Variants in SHISA6 observed in about 807,000 individuals in gnomAD.
SHISA6 encodes shisa family member 6, also known as protein shisa-6.
A neutral mutation model predicts 47.9 loss-of-function variants in SHISA6; 22 were observed. The ratio of observed to expected loss-of-function variants is 0.46; its 90% CI spans 0.33 to 0.66. SHISA6 has a LOEUF of 0.66. Ranked by LOEUF, SHISA6 falls within the 30% of genes least tolerant of loss-of-function variation. SHISA6 has a pLI of 0.02. For synonymous variants in SHISA6, 388 were observed against 337.8 expected (o/e 1.15, Z -1.63); for missense variants, 680 against 764.6 (o/e 0.89, Z 1.30).
intron 1 of SHISA6, among the ~76,000 whole-genome samples, chr17:11,245,349 G>C (rs567042503): frequency 5.6e-4 from 86 of 152,274 alleles, no homozygotes; most frequent in African/African-American, 2.0e-3. Context: ...CAAACTGCCC[G>C]GGCTAAGGCT....
chr17:11,429,782 A>G (rs1412125365), intron 3 of SHISA6, among the ~76,000 whole-genome samples: 2 of 151,322 alleles, frequency 1.3e-5, no homozygotes, highest in Admixed American at 6.6e-5. Context: ...CAAGAGTGAA[A>G]CTCCGTCTCA....
At position 11,558,813 on chromosome 17, in the gene SHISA6, C is replaced by T. The variant is rs200653411; in HGVS notation, c.*509C>T. 4.1e-5 allele frequency: 7 copies of T among 169,966 alleles called. No homozygotes were observed. The South Asian group carries it at 9.4e-4, about 23-fold the overall frequency. The allele number at this position is 169,966 out of a possible 1,614,324, so 10.5% of individuals were successfully genotyped here. A position where few individuals can be genotyped will look rare whatever the true frequency, so the allele number is the denominator to read the frequency against. On this transcript the variant is annotated 3_prime_UTR_variant, in exon 6 of 6. Transcript: ENST00000441885. ...TCCTAGTGCCTAAAAACTGCCTGCTCGCTCTCTCAGAGCCAGGGAGCTGCT... is the reference window on the plus strand; with the variant it reads ...TCCTAGTGCCTAAAAACTGCCTGCTTGCTCTCTCAGAGCCAGGGAGCTGCT...
intron 3 of SHISA6, among the ~76,000 whole-genome samples, chr17:11,404,357 C>T (rs1185715357): frequency 6.6e-6 from 1 of 152,150 alleles, no homozygotes; most frequent in Non-Finnish European, 1.5e-5. Flanking sequence ...CCACTGAAGA[C>T]TGGAGTGAGG....
At position 11,242,011 on chromosome 17, in the gene SHISA6, G is replaced by A; in HGVS notation, c.589G>A (p.Val197Ile). The change falls in exon 1 of 6, where the codon GTC becomes ATC. Residue 197 changes from valine (V) to isoleucine (I), a missense_variant. Transcript: ENST00000441885. ...CATCGTGGCCGGCGTCTTCGCCAAGGTCTCCTACGACAAGGCCCACCGCCC... is the reference window on the plus strand; with the variant it reads ...CATCGTGGCCGGCGTCTTCGCCAAGATCTCCTACGACAAGGCCCACCGCCC... ...FVIVAGVFAK[V>I]SYDKAHRPPR... 6.4e-7 allele frequency: 1 copy of A among 1,551,038 alleles called. No homozygotes were observed. The highest frequency in any genetic ancestry group is 8.7e-7 in the Non-Finnish European group (1 of 1,147,008).
chr17:11,320,361 A>G (rs749542404), intron 2 of SHISA6, among the ~76,000 whole-genome samples: 1 of 151,518 alleles, frequency 6.6e-6, no homozygotes, highest in Non-Finnish European at 1.5e-5. Flanking sequence ...GGGCTGGTAT[A>G]AGAGAGAGAG....
chr17:11,535,256 A>T (rs2071777159), intron 3 of SHISA6, among the ~76,000 whole-genome samples: 1 of 152,236 alleles, frequency 6.6e-6, no homozygotes, highest in African/African-American at 2.4e-5. Context: ...ACCTGGAAGC[A>T]GTGCTATGCA....
At chr17:11,491,494 T>C (rs1019794472) in intron 3 of SHISA6, among the ~76,000 whole-genome samples, 13 of 151,890 alleles carry the variant, frequency 8.6e-5, no homozygotes, top group African/African-American at 2.9e-4. Context: ...GAGACGGGGG[T>C]CTCACTATGT....
chr17:11,271,847 A>G (rs1908680073), intron 2 of SHISA6, among the ~76,000 whole-genome samples: 1 of 151,798 alleles, frequency 6.6e-6, no homozygotes, highest in South Asian at 2.1e-4. Flanking sequence ...TGGTCCACAG[A>G]ATCTTGCTCT....
intron 1 of SHISA6, among the ~76,000 whole-genome samples, chr17:11,263,087 C>T (rs1273187880): frequency 1.3e-5 from 2 of 152,110 alleles, no homozygotes; most frequent in Admixed American, 6.5e-5. Flanking sequence ...TTTGGGGAGC[C>T]AGTATTTTGA....
intron 3 of SHISA6, among the ~76,000 whole-genome samples, chr17:11,508,543 C>T (rs2071518632): frequency 7.9e-6 from 1 of 127,310 alleles, no homozygotes; most frequent in African/African-American, 3.1e-5. Context: ...ATCAGCCCCT[C>T]CCCTCCTCTC....
intron 3 of SHISA6, among the ~76,000 whole-genome samples, chr17:11,418,166 T>C (rs1914340070): frequency 6.6e-6 from 1 of 152,170 alleles, no homozygotes; most frequent in Non-Finnish European, 1.5e-5. Context: ...TTCTTTATGC[T>C]CTGTGGGTTT....
chr17:11,314,299 T>C (rs1910433014), intron 2 of SHISA6, among the ~76,000 whole-genome samples: 1 of 152,124 alleles, frequency 6.6e-6, no homozygotes, highest in South Asian at 2.1e-4. Context: ...GTGCTGAGTA[T>C]TTTTTTGTCA....
At chr17:11,543,490 G>A (rs75395211) in intron 3 of SHISA6, among the ~76,000 whole-genome samples, 9,646 of 152,160 alleles carry the variant, frequency 0.063, 384 homozygotes, top group Middle Eastern at 0.092. Context: ...TACATGCCAC[G>A]TTTAGGGATT....
Position 11,241,647 on chromosome 17 carries a change from G to C in SHISA6, c.225G>C (p.Gly75=), listed in dbSNP as rs903316992. The change falls in exon 1 of 6, where the codon GGG becomes GGC. Residue 75 remains glycine (G), a synonymous_variant. Coordinates refer to ENST00000441885, the MANE Select transcript of SHISA6 (RefSeq NM_207386.4). This position sits in a 1 kb window ranked among gnomAD's most constrained non-coding sequence, Gnocchi z 5.5. ...PGIPEAGSRR[G]QPAAAVAAAA... The stretch of plus-strand genomic sequence containing the variant: ...TCCCGGAGGCGGGAAGCCGGCGGGG[G>C]CAGCCCGCGGCGGCTGTGGCGGCGG... 1.6e-5 allele frequency: 22 copies of C among 1,413,548 alleles called. No individual in the cohort carries two copies. The highest frequency in any genetic ancestry group is 2.0e-5 in the Non-Finnish European group (22 of 1,091,920). The allele number at this position is 1,413,548 out of a possible 1,614,324, so 87.6% of individuals were successfully genotyped here.
At chr17:11,355,770 T>C (rs2142224709) in intron 2 of SHISA6, among the ~76,000 whole-genome samples, 1 of 152,268 alleles carries the variant, frequency 6.6e-6, no homozygotes, top group East Asian at 1.9e-4. Context: ...CCATCTGGGA[T>C]AGAAAGGCAG....
chr17:11,264,548 A>G (rs1466109575), intron 2 of SHISA6, among the ~76,000 whole-genome samples: 3 of 152,228 alleles, frequency 2.0e-5, no homozygotes, highest in Non-Finnish European at 4.4e-5. Context: ...GTTTCCAGAT[A>G]GCCTCTTACT....
At chr17:11,475,746 T>A (rs1048929219) in intron 3 of SHISA6, among the ~76,000 whole-genome samples, 3 of 152,046 alleles carry the variant, frequency 2.0e-5, no homozygotes, top group African/African-American at 7.2e-5. Flanking sequence ...TTAATTTTCT[T>A]ATTTTGTAAT....
At chr17:11,521,722 G>C (rs1038318345) in intron 3 of SHISA6, among the ~76,000 whole-genome samples, 1 of 152,052 alleles carries the variant, frequency 6.6e-6, no homozygotes, top group African/African-American at 2.4e-5. Flanking sequence ...AGGATTTCTT[G>C]AACCCAGGAG....
At chr17:11,248,536 A>G (rs1243336018) in intron 1 of SHISA6, among the ~76,000 whole-genome samples, 1 of 152,232 alleles carries the variant, frequency 6.6e-6, no homozygotes, top group East Asian at 1.9e-4. Flanking sequence ...GTCATCACCA[A>G]ATAACTTTGG....
Sources: gnomAD v4.1 joint callset for allele counts (sites outside exome capture counted in the v4.1 genomes callset) on GRCh38, gnomAD v4.1.1 for gene constraint, Gnocchi (gnomAD v3.1) non-coding constraint, MANE v1.5 for transcripts, NCBI Gene and HGNC (gene_info 2026-07-23, HGNC 2026-07-21) for gene names.